MCPH1: variants seen among roughly 807,000 people sequenced by gnomAD.
MCPH1 encodes the protein microcephalin 1, also known as microcephalin.
MCPH1 carries 104 observed loss-of-function variants against 84.5 expected under a neutral mutation model. The ratio of observed to expected loss-of-function variants is 1.23; its 90% CI spans 1.05 to 1.45. The LOEUF is 1.45. Among genes scored for constraint, MCPH1 ranks in the 40% most tolerant of loss-of-function variants. The probability of loss-of-function intolerance (pLI) is 0.00; values close to 1 mark genes in which losing one functional copy is unlikely to be tolerated. For synonymous variants in MCPH1, 514 were observed against 366.8 expected (o/e 1.40, Z -4.58); for missense variants, 1,498 against 1,005.7 (o/e 1.49, Z -6.62).
chr8:6,429,108 T>G (rs1433819004), intron 3 of MCPH1, among the ~76,000 whole-genome samples: 1 of 152,248 alleles, frequency 6.6e-6, no homozygotes, highest in Non-Finnish European at 1.5e-5. Context: ...GCAGTGTACA[T>G]GATACATTTT....
At chr8:6,447,033 A>G in intron 8 of MCPH1, 12 of 985,256 alleles carry the variant, frequency 1.2e-5, no homozygotes, top group Non-Finnish European at 1.3e-5. Context: ...GCCCGGGTGC[A>G]AGAAAACATT....
chr8:6,527,113 A>G (rs1449974879), intron 12 of MCPH1, among the ~76,000 whole-genome samples: 1 of 152,234 alleles, frequency 6.6e-6, no homozygotes, highest in Non-Finnish European at 1.5e-5. Context: ...ATACTGAAAT[A>G]AAATGCCTGG....
At chr8:6,538,015 C>A (rs1226561760) in intron 12 of MCPH1, among the ~76,000 whole-genome samples, 2 of 152,092 alleles carry the variant, frequency 1.3e-5, no homozygotes, top group Non-Finnish European at 2.9e-5. Flanking sequence ...GGTAAATTAA[C>A]AAATAATTTG....
At chr8:6,458,869 C>A (rs1332273795) in intron 9 of MCPH1, among the ~76,000 whole-genome samples, 1 of 152,190 alleles carries the variant, frequency 6.6e-6, no homozygotes, top group Admixed American at 6.5e-5. Context: ...TGGTCTCGAA[C>A]TCCTGACCTC....
chr8:6,590,158 G>A (rs1048821846), intron 12 of MCPH1, among the ~76,000 whole-genome samples: 17 of 150,582 alleles, frequency 1.1e-4, no homozygotes, highest in Non-Finnish European at 2.1e-4. Context: ...TATTTTTGCA[G>A]AGCGTTTTCA....
chr8:6,455,899 AG>A (rs1288066215), intron 9 of MCPH1, among the ~76,000 whole-genome samples: 4 of 152,192 alleles, frequency 2.6e-5, no homozygotes, highest in African/African-American at 7.2e-5. Flanking sequence ...TCAGAATGGT[AG>A]GGAAAAACCA....
At chr8:6,541,054 C>T (rs1329050321) in intron 12 of MCPH1, among the ~76,000 whole-genome samples, 1 of 152,126 alleles carries the variant, frequency 6.6e-6, no homozygotes, top group Non-Finnish European at 1.5e-5. Flanking sequence ...TCATGGGTGT[C>T]CCGAGGCAGC....
chr8:6,560,011 C>G (rs772057627), intron 12 of MCPH1, among the ~76,000 whole-genome samples: 30 of 152,182 alleles, frequency 2.0e-4, no homozygotes, highest in Non-Finnish European at 2.9e-4. Context: ...GATGTGAAAC[C>G]TGCTTTCTTA....
intron 13 of MCPH1, among the ~76,000 whole-genome samples, chr8:6,629,625 A>G (rs1293800127): frequency 6.6e-6 from 1 of 152,164 alleles, no homozygotes; most frequent in Non-Finnish European, 1.5e-5. Flanking sequence ...TTGGTCTTGG[A>G]CTTCCTGCCC....
intron 7 of MCPH1, among the ~76,000 whole-genome samples, chr8:6,443,244 A>G (rs1424001888): frequency 1.3e-5 from 2 of 152,238 alleles, no homozygotes; most frequent in African/African-American, 4.8e-5. Flanking sequence ...GCAGTCTGAC[A>G]TCACAGATTA....
At chr8:6,465,386 T>C (rs1806757683) in intron 9 of MCPH1, among the ~76,000 whole-genome samples, 1 of 152,200 alleles carries the variant, frequency 6.6e-6, no homozygotes, top group South Asian at 2.1e-4. Flanking sequence ...GCCACTGCGC[T>C]GCTCCCACCA....
At chr8:6,596,093 C>G (rs934970174) in intron 12 of MCPH1, among the ~76,000 whole-genome samples, 4 of 152,144 alleles carry the variant, frequency 2.6e-5, no homozygotes, top group African/African-American at 9.7e-5. Flanking sequence ...AGAGCACACC[C>G]GTGGAGTGGC....
At chr8:6,409,146 A>T (rs1257893176) in intron 1 of MCPH1, 133 bp from the exon 2 acceptor site, 4 of 762,962 alleles carry the variant, frequency 5.2e-6, no homozygotes, top group Non-Finnish European at 9.2e-6. Flanking sequence ...TCCGCCTCCC[A>T]CAGTGCTGGG....
At chr8:6,513,487 C>G (rs1042366736) in intron 12 of MCPH1, among the ~76,000 whole-genome samples, 1 of 151,996 alleles carries the variant, frequency 6.6e-6, no homozygotes, top group African/African-American at 2.4e-5. Flanking sequence ...CGCCCACCAC[C>G]ACACCTGGCT....
chr8:6,543,670 G>A (rs946587419), intron 12 of MCPH1, among the ~76,000 whole-genome samples: 4 of 152,092 alleles, frequency 2.6e-5, no homozygotes, highest in Admixed American at 1.3e-4. Context: ...TTTCATAACC[G>A]CTGAAGTTCG....
intron 12 of MCPH1, among the ~76,000 whole-genome samples, chr8:6,568,067 C>A (rs1028460490): frequency 6.6e-6 from 1 of 152,162 alleles, no homozygotes; most frequent in South Asian, 2.1e-4. Context: ...TCTTATTACC[C>A]TGGTTGACGA....
At chr8:6,408,600 C>T (rs1321252894) in intron 1 of MCPH1, among the ~76,000 whole-genome samples, 7 of 152,096 alleles carry the variant, frequency 4.6e-5, no homozygotes, top group East Asian at 1.9e-4. Context: ...TGCAATGGTG[C>T]GATCATAACT....
At chr8:6,515,127 G>C (rs1290905273) in intron 12 of MCPH1, among the ~76,000 whole-genome samples, 6 of 152,088 alleles carry the variant, frequency 3.9e-5, no homozygotes, top group Non-Finnish European at 8.8e-5. Flanking sequence ...CATTTTGGCA[G>C]ATTGGCCCCG....
intron 12 of MCPH1, among the ~76,000 whole-genome samples, chr8:6,544,128 T>G (rs568534803): frequency 6.6e-6 from 1 of 152,346 alleles, no homozygotes; most frequent in South Asian, 2.1e-4. Context: ...AACATAACTT[T>G]TATCTTCATC....
Sources: gnomAD v4.1 joint callset for allele counts (sites outside exome capture counted in the v4.1 genomes callset) on GRCh38, gnomAD v4.1.1 for gene constraint, MANE v1.5 for transcripts, NCBI Gene and HGNC (gene_info 2026-07-23, HGNC 2026-07-21) for gene names.